The following KRABD5 variants were observed in gnomAD, a reference collection of about 807,000 sequenced individuals.
The protein encoded by KRABD5 is KRAB domain-containing protein 5.
At chr16:31,731,436 T>A in the KRABD5 span, among the ~76,000 whole-genome samples, 1 of 152,154 alleles carries the variant, frequency 6.6e-6, no homozygotes, top group South Asian at 2.1e-4. Context: ...AGAATGGGGG[T>A]GCTGATAGAA....
At chr16:31,718,235 G>A in the KRABD5 span, among the ~76,000 whole-genome samples, 1 of 152,082 alleles carries the variant, frequency 6.6e-6, no homozygotes, top group Non-Finnish European at 1.5e-5. Flanking sequence ...TTCCTGAGGG[G>A]CTGTCTCCTC....
the KRABD5 span, among the ~76,000 whole-genome samples, chr16:31,736,668 C>T: frequency 2.0e-5 from 3 of 151,916 alleles, no homozygotes; most frequent in Admixed American, 6.6e-5. Flanking sequence ...CAGGCACCCA[C>T]CACCACGCCC....
At chr16:31,733,544 G>T in the KRABD5 span, 1 of 456,024 alleles carries the variant, frequency 2.2e-6, no homozygotes, top group Non-Finnish European at 4.4e-6. Flanking sequence ...ACAACAAATT[G>T]TCCTTTCCAC....
the KRABD5 span, among the ~76,000 whole-genome samples, chr16:31,713,769 G>A: frequency 6.6e-6 from 1 of 152,332 alleles, no homozygotes; most frequent in East Asian, 1.9e-4. Context: ...AAGATACTGT[G>A]CCCCGTGGTG....
chr16:31,717,884 C>T, the KRABD5 span, among the ~76,000 whole-genome samples: 92,277 of 151,832 alleles, frequency 0.61, 29,065 homozygotes, highest in Middle Eastern at 0.73. Context: ...AATGGTCTTT[C>T]TGCTTGTTTG....
the KRABD5 span, among the ~76,000 whole-genome samples, chr16:31,737,440 G>C: frequency 4.6e-5 from 7 of 150,576 alleles, no homozygotes; most frequent in Admixed American, 1.4e-4. Context: ...TAAAAAATGT[G>C]AGTTACAGTA....
chr16:31,740,665 G>A, the KRABD5 span, among the ~76,000 whole-genome samples: 2 of 150,566 alleles, frequency 1.3e-5, no homozygotes, highest in Non-Finnish European at 3.0e-5. Flanking sequence ...GTTGTGGCAT[G>A]TGCCTGTAGT....
chr16:31,743,642 T>C, the KRABD5 span, among the ~76,000 whole-genome samples: 2 of 152,190 alleles, frequency 1.3e-5, no homozygotes, highest in African/African-American at 2.4e-5. Context: ...AAGTAGTGTT[T>C]TTCTAATTCT....
At chr16:31,736,583 T>C in the KRABD5 span, among the ~76,000 whole-genome samples, 1 of 151,190 alleles carries the variant, frequency 6.6e-6, no homozygotes, top group African/African-American at 2.4e-5. Flanking sequence ...AATGGCGCGA[T>C]TTTGGCTTAC....
chr16:31,751,553 T>G, the KRABD5 span, among the ~76,000 whole-genome samples: 6 of 152,206 alleles, frequency 3.9e-5, no homozygotes, highest in African/African-American at 1.4e-4. Context: ...CCTCTAGATG[T>G]TCTAATTTAT....
At chr16:31,724,704 G>A in the KRABD5 span, among the ~76,000 whole-genome samples, 113 of 144,240 alleles carry the variant, frequency 7.8e-4, no homozygotes, top group Non-Finnish European at 8.8e-4. Flanking sequence ...AAAAAAAAAA[G>A]AAAAAAAAAA....
the KRABD5 span, among the ~76,000 whole-genome samples, chr16:31,742,167 A>G: frequency 7.1e-6 from 1 of 141,370 alleles, no homozygotes; most frequent in Middle Eastern, 3.5e-3. Context: ...TTTTTAAAAA[A>G]AATTTTTTGT....
the KRABD5 span, chr16:31,755,210 C>T: frequency 4.2e-6 from 2 of 474,222 alleles, no homozygotes; most frequent in Non-Finnish European, 8.6e-6. Context: ...CGGAGAAAAA[C>T]TTTACAAATG....
chr16:31,713,260 C>T, the KRABD5 span: 4 of 833,982 alleles, frequency 4.8e-6, no homozygotes, highest in Non-Finnish European at 7.5e-6. Context: ...TGGCGGTGGC[C>T]TTTGTTGGCT....
chr16:31,732,996 A>T, the KRABD5 span, among the ~76,000 whole-genome samples: 4 of 151,922 alleles, frequency 2.6e-5, no homozygotes, highest in African/African-American at 9.7e-5. Context: ...ATTCCATATG[A>T]TTGTGTTTCT....
At chr16:31,758,279 G>A in the KRABD5 span, 8 of 152,078 alleles carry the variant, frequency 5.3e-5, no homozygotes, top group African/African-American at 1.9e-4. Flanking sequence ...ATGGCCCACA[G>A]AATAAAGTAA....
the KRABD5 span, chr16:31,759,440 G>T: frequency 2.4e-5 from 36 of 1,528,950 alleles, no homozygotes; most frequent in African/African-American, 4.4e-4. Flanking sequence ...TTTTCTGAGG[G>T]TGATGAAAGT....
chr16:31,733,698 T>C, the KRABD5 span: 1 of 447,694 alleles, frequency 2.2e-6, no homozygotes, highest in East Asian at 7.1e-5. Context: ...TCCTCAAGGT[T>C]TGTCCTTATT....
At chr16:31,742,624 G>A in the KRABD5 span, among the ~76,000 whole-genome samples, 40 of 152,226 alleles carry the variant, frequency 2.6e-4, no homozygotes, top group South Asian at 1.2e-3. Context: ...GCAAACATAC[G>A]TGTGCATGTG....
Sources: allele counts gnomAD v4.1 joint callset (sites outside exome capture counted in the v4.1 genomes callset), GRCh38; gene constraint gnomAD v4.1.1; transcripts MANE v1.5; gene names NCBI Gene and HGNC (gene_info 2026-07-23, HGNC 2026-07-21).